KLHL24: variants seen among roughly 807,000 people sequenced by gnomAD.
The protein encoded by KLHL24 is kelch like family member 24, also known as kelch-like protein 24.
In KLHL24, 29 loss-of-function variants were observed where a neutral mutation model predicts 53.4. The observed-to-expected ratio is 0.54, with a 90% CI of 0.40 to 0.74. KLHL24 has a LOEUF of 0.74. Ranked by LOEUF, KLHL24 falls within the 30% of genes least tolerant of loss-of-function variation. The probability of loss-of-function intolerance (pLI) is 0.00; values close to 1 mark genes in which losing one functional copy is unlikely to be tolerated. For missense variants in KLHL24, 504 were observed against 744.0 expected (o/e 0.68, Z 3.75); for synonymous variants, 222 against 253.7 (o/e 0.88, Z 1.19).
In KLHL24 at chr3:183,650,857, T is replaced by A; in HGVS notation, c.501T>A (p.Asn167Lys). ...KFLEEQLDPC[N>K]CLGIQRFADT... ...TGGAGGAGCAACTTGATCCTTGTAA[T>A]TGCTTAGGAATCCAGCGCTTTGCTG... is the stretch of plus-strand genomic sequence containing the variant. Residue 167 changes from asparagine (N) to lysine (K), a missense_variant, in exon 3 of 8, where the codon AAT becomes AAA. Coordinates refer to ENST00000242810, the MANE Select transcript of KLHL24 (RefSeq NM_017644.3). The surrounding 1 kb of genome is among the most constrained non-coding windows in gnomAD (Gnocchi z 4.5). 1 of 1,614,154 alleles carries A rather than the reference T, an allele frequency of 6.2e-7. No individual in the cohort carries two copies. Among genetic ancestry groups the A allele is most frequent in the Non-Finnish European group, 8.5e-7 (1 of 1,180,038 alleles).
intron 2 of KLHL24, among the ~76,000 whole-genome samples, chr3:183,649,409 C>A (rs1001745491): frequency 1.3e-4 from 19 of 151,940 alleles, no homozygotes; most frequent in Non-Finnish European, 2.5e-4. Context: ...TTTGACCAAT[C>A]CCCTCTTATA....
In KLHL24 at chr3:183,674,146, G is replaced by C. The variant is rs192883831; in HGVS notation, c.1602+1662G>C. On this transcript the variant is annotated intron_variant, in intron 7 of 7. Coordinates refer to ENST00000242810, the MANE Select transcript of KLHL24 (RefSeq NM_017644.3). The stretch of plus-strand genomic sequence containing the variant: ...TTCCATTCCTATTGTTTCTATTTTT[G>C]TTCAAGTTCTTACCAAGTTTTACCT... 2.9e-4 allele frequency among the ~76,000 whole-genome samples: 43 copies of C among 149,840 alleles called. No homozygotes were observed. The Middle Eastern group carries it at 0.01, about 36-fold the overall frequency.
intron 1 of KLHL24, among the ~76,000 whole-genome samples, chr3:183,638,160 A>G (rs1386026325): frequency 1.3e-5 from 2 of 152,258 alleles, no homozygotes; most frequent in African/African-American, 2.4e-5. Flanking sequence ...ACAAAATGCA[A>G]TCGTCTAACC....
At chr3:183,678,933 G>C (rs773741267) in intron 7 of KLHL24, among the ~76,000 whole-genome samples, 153 bp from the exon 8 acceptor site, 142 of 60,808 alleles carry the variant, frequency 2.3e-3, no homozygotes, top group African/African-American at 3.4e-3. Flanking sequence ...CGCTTACACA[G>C]AACACAGAGA....
chr3:183,648,275 A>G (rs926327516), intron 2 of KLHL24, among the ~76,000 whole-genome samples: 1 of 152,114 alleles, frequency 6.6e-6, no homozygotes. Flanking sequence ...AGAAGAGAAT[A>G]CTATATATAA....
Position 183,675,383 on chromosome 3 carries a change from C to G in KLHL24, c.1602+2899C>G, listed in dbSNP as rs369873934. 1.3e-4 allele frequency among the ~76,000 whole-genome samples: 20 copies of G among 152,220 alleles called. 1 individual carries two copies. Among genetic ancestry groups the G allele is most frequent in the Admixed American group, 5.2e-4 (8 of 15,296 alleles). ...AAGGGACATAATAGGCACTTCAGCT[C>G]CATGGTACAGAATGAGTATTACGTT... is the stretch of plus-strand genomic sequence containing the variant. On this transcript the variant is annotated intron_variant, in intron 7 of 7. Coordinates refer to ENST00000242810, the MANE Select transcript of KLHL24 (RefSeq NM_017644.3).
chr3:183,641,368 C>T (rs948768158), intron 1 of KLHL24, among the ~76,000 whole-genome samples: 3 of 146,756 alleles, frequency 2.0e-5, no homozygotes, highest in Non-Finnish European at 3.0e-5. Context: ...GTCCCAGCTA[C>T]ATGGGAGGCT....
chr3:183,671,342 A>G, intron 6 of KLHL24, 120 bp downstream of exon 6: 1 of 741,114 alleles, frequency 1.3e-6, no homozygotes. Context: ...ATTTTCTGGT[A>G]CTATATGCTT....
intron 4 of KLHL24, 52 bp from the exon 5 acceptor site, chr3:183,664,869 T>G (rs569792575): frequency 2.0e-6 from 2 of 983,428 alleles, no homozygotes; most frequent in South Asian, 3.5e-5. Context: ...GATCTCTTGG[T>G]GACAGCTATA....
At chr3:183,677,825 C>T (rs936029211) in intron 7 of KLHL24, among the ~76,000 whole-genome samples, 1 of 151,834 alleles carries the variant, frequency 6.6e-6, no homozygotes, top group African/African-American at 2.4e-5. Context: ...GAGTTTCGCT[C>T]TTATCACCCA....
chr3:183,639,426 C>A lies in KLHL24; in HGVS notation c.-125+3633C>A. Among the ~76,000 whole-genome samples the A allele has an allele frequency of 1.3e-5, 2 of 151,776 alleles. 1 individual carries two copies. The highest frequency in any genetic ancestry group is 6.9e-3 in the Middle Eastern group (2 of 290). On this transcript the variant is annotated intron_variant, in intron 1 of 7. Transcript: ENST00000242810. ...CGGGCAGATCACAAGGTCAGGAGAT[C>A]AAGACCATCCTGGCTAACACGGAGA...
intron 5 of KLHL24, among the ~76,000 whole-genome samples, chr3:183,669,852 A>G (rs1268994496): frequency 6.6e-6 from 1 of 152,162 alleles, no homozygotes; most frequent in African/African-American, 2.4e-5. Context: ...GGGAAACGTA[A>G]AGGAAGGGGT....
intron 1 of KLHL24, among the ~76,000 whole-genome samples, chr3:183,641,519 C>T (rs890337198): frequency 1.4e-5 from 2 of 144,100 alleles, no homozygotes; most frequent in African/African-American, 2.6e-5. Context: ...CAATTATTTT[C>T]TGACTTTCTT....
chr3:183,677,387 C>T (rs1220872566), intron 7 of KLHL24, among the ~76,000 whole-genome samples: 1 of 152,072 alleles, frequency 6.6e-6, no homozygotes, highest in Non-Finnish European at 1.5e-5. Flanking sequence ...ATAATTGGTG[C>T]AATTCATGGG....
Position 183,681,038 on chromosome 3 carries a change from T to G in KLHL24, c.*1752T>G, listed in dbSNP as rs990565993. 6.6e-6 allele frequency: 1 copy of G among 152,160 alleles called. No homozygotes were observed. Among genetic ancestry groups the G allele is most frequent in the African/African-American group, 2.4e-5 (1 of 41,462 alleles). The allele number at this position is 152,160 out of a possible 1,614,324, so 9.4% of individuals were successfully genotyped here. A position where few individuals can be genotyped will look rare whatever the true frequency, so the allele number is the denominator to read the frequency against. ...CTAGAATCTACATTCTGAGGAAAAC[T>G]CTAAAAAACTTAAAAATTTTTAGGG... On this transcript the variant is annotated 3_prime_UTR_variant, in exon 8 of 8. Coordinates refer to ENST00000242810, the MANE Select transcript of KLHL24 (RefSeq NM_017644.3).
intron 1 of KLHL24, among the ~76,000 whole-genome samples, chr3:183,639,439 G>A (rs1053257763): frequency 1.3e-5 from 2 of 151,652 alleles, no homozygotes; most frequent in African/African-American, 4.8e-5. Flanking sequence ...GACCATCCTG[G>A]CTAACACGGA....
intron 3 of KLHL24, among the ~76,000 whole-genome samples, chr3:183,651,988 C>T (rs1403368627): frequency 6.6e-6 from 1 of 151,918 alleles, no homozygotes; most frequent in East Asian, 1.9e-4. Flanking sequence ...CACAGACTGG[C>T]CTTTGTCCTA....
chr3:183,641,369 A>G (rs11928801), intron 1 of KLHL24, among the ~76,000 whole-genome samples: 50,390 of 150,646 alleles, frequency 0.33, 9,259 homozygotes, highest in African/African-American at 0.49. Context: ...TCCCAGCTAC[A>G]TGGGAGGCTG....
At chr3:183,658,173 ATT>A (rs1289465946) in intron 3 of KLHL24, among the ~76,000 whole-genome samples, 13 of 150,790 alleles carry the variant, frequency 8.6e-5, no homozygotes, top group African/African-American at 2.9e-4. Context: ...AGATCGCACC[ATT>A]GCACTCTAGC....
Sources: allele counts gnomAD v4.1 joint callset (sites outside exome capture counted in the v4.1 genomes callset), GRCh38; gene constraint gnomAD v4.1.1; non-coding constraint Gnocchi (gnomAD v3.1); transcripts MANE v1.5; gene names NCBI Gene and HGNC (gene_info 2026-07-23, HGNC 2026-07-21).